Variants in FHL2 observed in about 807,000 individuals in gnomAD.
The protein encoded by FHL2 is four and a half LIM domains protein 2.
Under a neutral mutation model 32.7 loss-of-function variants are expected in FHL2, and 20 were observed. The observed-to-expected ratio is 0.61, with a 90% CI of 0.43 to 0.89. FHL2 has a LOEUF of 0.89. Among genes scored for constraint, FHL2 ranks in the 40% least tolerant of loss-of-function variants. FHL2 has a pLI of 0.00. For missense variants in FHL2, 311 were observed against 358.6 expected (o/e 0.87, Z 1.07); for synonymous variants, 123 against 128.1 (o/e 0.96, Z 0.27).
At chr2:105,403,386 A>C (rs1294476334), upstream of FHL2, among the ~76,000 whole-genome samples, 23 of 152,248 alleles carry the variant, frequency 1.5e-4, no homozygotes, top group Non-Finnish European at 7.3e-5. Context: ...GTGATCAGTT[A>C]TTCAAGTTCT....
In FHL2 at chr2:105,364,380, C is replaced by A. The variant is rs115452935; in HGVS notation, c.502-909G>T. Among the ~76,000 whole-genome samples, 1,273 of 152,328 alleles carry A rather than the reference C, an allele frequency of 8.4e-3. 12 individuals are homozygous for A. Among genetic ancestry groups the A allele is most frequent in the Middle Eastern group, 0.017 (5 of 294 alleles). ...GAAGAGGCTTAAAGGACAGCCGGGACTAGCACCTGCTGATGCCACAAGAAG... is the reference window on the plus strand; with the variant it reads ...GAAGAGGCTTAAAGGACAGCCGGGAATAGCACCTGCTGATGCCACAAGAAG... On this transcript the variant is annotated intron_variant, in intron 5 of 6. Coordinates refer to ENST00000530340, the MANE Select transcript of FHL2 (RefSeq NM_001318895.3).
chr2:105,388,679 A>T (rs1211353172), intron 2 of FHL2, among the ~76,000 whole-genome samples: 3 of 151,854 alleles, frequency 2.0e-5, no homozygotes, highest in Non-Finnish European at 4.4e-5. Flanking sequence ...AAAAAAAAAA[A>T]AAAAATTAGC....
exon 1 of FHL2, chr2:105,438,456 G>A (rs925549339): frequency 1.0e-6 from 1 of 985,610 alleles, no homozygotes. Flanking sequence ...GACAGCTGCT[G>A]TGCAGGCGGA....
intron 1 of FHL2, among the ~76,000 whole-genome samples, chr2:105,426,213 G>A (rs1684265056): frequency 6.6e-6 from 1 of 152,166 alleles, no homozygotes; most frequent in African/African-American, 2.4e-5. Flanking sequence ...GTTCTCTGCT[G>A]CCATAAGGAA....
Position 105,363,250 on chromosome 2 carries a change from A to G in FHL2, c.688+35T>C, listed in dbSNP as rs777871895. On this transcript the variant is annotated intron_variant, in intron 6 of 6. Transcript: ENST00000530340. ...ATGCTAGGCCTTGTTCAAGCTTCCA[A>G]TCGCCCCTGGAAATGGGAACCCCGG... The G allele has an allele frequency of 6.0e-5, 97 of 1,608,432 alleles. No homozygotes were observed. In the Middle Eastern group the frequency reaches 6.6e-4, roughly 11 times the overall value.
At chr2:105,433,727 C>T (rs1384159163) in intron 1 of FHL2, among the ~76,000 whole-genome samples, 1 of 152,140 alleles carries the variant, frequency 6.6e-6, no homozygotes, top group Admixed American at 6.5e-5. Context: ...GCTGCACACA[C>T]CATGAGCACT....
intron 1 of FHL2, among the ~76,000 whole-genome samples, chr2:105,430,512 C>G (rs1309213817): frequency 6.6e-6 from 1 of 152,106 alleles, no homozygotes; most frequent in Non-Finnish European, 1.5e-5. Flanking sequence ...ACTAAAAATA[C>G]AAAAAATTAG....
chr2:105,418,813 C>T (rs1227709821), intron 1 of FHL2, among the ~76,000 whole-genome samples: 1 of 152,208 alleles, frequency 6.6e-6, no homozygotes, highest in Non-Finnish European at 1.5e-5. Context: ...AGGCCACATT[C>T]ACATACCTTT....
At chr2:105,382,945 G>A (rs1369472891) in intron 3 of FHL2, among the ~76,000 whole-genome samples, 1 of 152,130 alleles carries the variant, frequency 6.6e-6, no homozygotes, top group East Asian at 1.9e-4. Flanking sequence ...GAGTACAGTG[G>A]CGCAATCTTG....
At chr2:105,390,920 C>T (rs1015689924) in intron 2 of FHL2, among the ~76,000 whole-genome samples, 1 of 151,860 alleles carries the variant, frequency 6.6e-6, no homozygotes, top group Non-Finnish European at 1.5e-5. Flanking sequence ...CCTCAGCCTC[C>T]TGGGTTGCTG....
At chr2:105,370,265 C>G (rs902798728) in intron 4 of FHL2, among the ~76,000 whole-genome samples, 1 of 151,760 alleles carries the variant, frequency 6.6e-6, no homozygotes, top group Non-Finnish European at 1.5e-5. Flanking sequence ...GTCCTAGACA[C>G]GTAGGAGGCT....
chr2:105,367,118 G>A (rs1179847601), intron 5 of FHL2, among the ~76,000 whole-genome samples: 6 of 152,172 alleles, frequency 3.9e-5, no homozygotes, highest in Non-Finnish European at 2.9e-5. Context: ...ATCCATGGAG[G>A]CAGACTTTTC....
At chr2:105,402,010 C>CATATATACGTATATATACACGAATAT (rs1329839839), upstream of FHL2, among the ~76,000 whole-genome samples, 2 of 149,874 alleles carry the variant, frequency 1.3e-5, no homozygotes, top group African/African-American at 2.5e-5. Flanking sequence ...CGAATATATA[C>CATATATACGTATATATACACGAATAT]ATATATACGT....
At chr2:105,366,278 A>G (rs1236171014) in intron 5 of FHL2, among the ~76,000 whole-genome samples, 1 of 152,174 alleles carries the variant, frequency 6.6e-6, no homozygotes, top group Non-Finnish European at 1.5e-5. Context: ...CTCAGCACTT[A>G]GAAAAGGTGT....
intron 1 of FHL2, among the ~76,000 whole-genome samples, chr2:105,430,025 C>T (rs1684381313): frequency 6.6e-6 from 1 of 152,204 alleles, no homozygotes; most frequent in South Asian, 2.1e-4. Flanking sequence ...GTGTGAACAG[C>T]AGAACTAGGA....
chr2:105,399,975 C>G (rs1350643847), upstream of FHL2, among the ~76,000 whole-genome samples: 4 of 152,124 alleles, frequency 2.6e-5, no homozygotes, highest in Non-Finnish European at 5.9e-5. Context: ...GGAAGAACTC[C>G]GTGATTGCTT....
rs758032567 is a variant in FHL2, at chr2:105,396,875, C to T, written c.-75-178G>A. On this transcript the variant is annotated intron_variant, in intron 1 of 6. Transcript: ENST00000530340. ...TCACCCAAGCTCAAGGAACTTTGTA[C>T]CTCAGGGCATCTGAGTCAGAGAGCC... 31 of 608,382 alleles carry T rather than the reference C, an allele frequency of 5.1e-5. 1 individual carries two copies. The highest frequency in any genetic ancestry group is 2.8e-4 in the South Asian group (13 of 47,116). The allele number at this position is 608,382 out of a possible 1,614,324, so 37.7% of individuals were successfully genotyped here.
chr2:105,385,639 G>A (rs921287595), intron 3 of FHL2, among the ~76,000 whole-genome samples: 1 of 152,202 alleles, frequency 6.6e-6, no homozygotes, highest in Non-Finnish European at 1.5e-5. Flanking sequence ...CCGTTTGCGG[G>A]TGAAGGTATC....
intron 1 of FHL2, among the ~76,000 whole-genome samples, chr2:105,424,946 A>G (rs1266786889): frequency 6.6e-6 from 1 of 151,948 alleles, no homozygotes; most frequent in African/African-American, 2.4e-5. Flanking sequence ...GTTGCAGCAA[A>G]CCACCGTGGC....
Sources: allele counts gnomAD v4.1 joint callset (sites outside exome capture counted in the v4.1 genomes callset), GRCh38; gene constraint gnomAD v4.1.1; transcripts MANE v1.5; gene names NCBI Gene and HGNC (gene_info 2026-07-23, HGNC 2026-07-21).